The following ATP10B variants were observed in gnomAD, a reference collection of about 807,000 sequenced individuals.
The protein encoded by ATP10B is ATPase phospholipid transporting 10B (putative), also known as phospholipid-transporting ATPase VB.
ATP10B carries 122 observed loss-of-function variants against 141.2 expected under a neutral mutation model. The observed-to-expected ratio is 0.86, with a 90% confidence interval of 0.75 to 1.00. ATP10B has a LOEUF of 1.00. Ranked by LOEUF, ATP10B falls within the 50% of genes least tolerant of loss-of-function variation. ATP10B has a pLI of 0.00. For missense variants in ATP10B, 1,876 were observed against 1,825.3 expected, an observed-to-expected ratio of 1.03 and a Z score of -0.51; for synonymous variants, 685 against 692.0, an observed-to-expected ratio of 0.99 and a Z score of 0.16.
At chr5:160,670,402 G>C in intron 7 of ATP10B, 61 bp downstream of exon 7, 1 of 1,557,816 alleles carries the variant, frequency 6.4e-7, no homozygotes, top group Non-Finnish European at 8.8e-7. Flanking sequence ...CAATTTTCCA[G>C]TAGGGTAGGC....
At position 160,565,360 on chromosome 5, in the gene ATP10B, C is replaced by G. The variant is rs1754467793; in HGVS notation, c.*93G>C. 3.1e-6 allele frequency: 4 copies of G among 1,277,978 alleles called. No homozygotes were observed. The South Asian group carries it at 5.5e-5, about 18-fold the overall frequency. The allele number at this position is 1,277,978 out of a possible 1,614,324, so 79.2% of individuals were successfully genotyped here. A position where few individuals can be genotyped will look rare whatever the true frequency, so the allele number is the denominator to read the frequency against. On this transcript the variant is annotated 3_prime_UTR_variant, in exon 26 of 26. Transcript: ENST00000327245. ...GTTGAAGAAAAGAATAAGACTGGCACATTGTTTCCTCTATGAAGAAGAAGG... is the reference window on the plus strand; with the variant it reads ...GTTGAAGAAAAGAATAAGACTGGCAGATTGTTTCCTCTATGAAGAAGAAGG...
chr5:160,616,690 T>C (rs558215347), intron 16 of ATP10B, among the ~76,000 whole-genome samples: 1 of 152,314 alleles, frequency 6.6e-6, no homozygotes, highest in Admixed American at 6.5e-5. Context: ...CAATGAAAAA[T>C]TATTTTGTTC....
At chr5:160,584,635 T>C (rs2127604911) in intron 24 of ATP10B, among the ~76,000 whole-genome samples, 1 of 152,304 alleles carries the variant, frequency 6.6e-6, no homozygotes, top group African/African-American at 2.4e-5. Context: ...TAAATGTGTA[T>C]TTTTATTCTT....
chr5:160,669,973 G>C (rs1054605683), intron 7 of ATP10B, among the ~76,000 whole-genome samples: 1 of 144,806 alleles, frequency 6.9e-6, no homozygotes, highest in African/African-American at 2.6e-5. Flanking sequence ...CTTAAGCACT[G>C]TTGAGAAGTT....
upstream of ATP10B, among the ~76,000 whole-genome samples, chr5:160,854,159 G>GTGC (rs1753939690): frequency 6.6e-6 from 1 of 152,078 alleles, no homozygotes; most frequent in Non-Finnish European, 1.5e-5. Context: ...TCTACAAGCT[G>GTGC]TGCAAGTGTT....
intron 1 of ATP10B, among the ~76,000 whole-genome samples, chr5:160,851,045 G>A (rs1453679964): frequency 6.6e-6 from 1 of 152,168 alleles, no homozygotes; most frequent in Non-Finnish European, 1.5e-5. Flanking sequence ...TGCAAGATCT[G>A]GAAACAGAGA....
chr5:160,574,802 T>TTTG (rs541880840), intron 24 of ATP10B, among the ~76,000 whole-genome samples: 1,904 of 10,790 alleles, frequency 0.18, 53 homozygotes, highest in African/African-American at 0.37. Context: ...AGCATTCATC[T>TTTG]TTTTTTTTTT....
chr5:160,866,347 C>A, the ATP10B span, among the ~76,000 whole-genome samples: 6 of 152,106 alleles, frequency 3.9e-5, no homozygotes, highest in Middle Eastern at 0.01. Flanking sequence ...CTTATAAAAG[C>A]GGGAGCTAAG....
In ATP10B at chr5:160,634,474, CG is replaced by C; in HGVS notation, c.1260del (p.Ile420MetfsTer19). ...DLSIQCRALN[I>X]AEDLGQIQYI... is the part of the protein sequence containing the mutation. Reference sequence around the variant, plus strand: ...TACTGGATCTGGCCCAAGTCCTCTGCGATGTTGAGGGCTCGACATTGAATGG... The same window carrying C: ...TACTGGATCTGGCCCAAGTCCTCTGCATGTTGAGGGCTCGACATTGAATGG... On this transcript the variant is annotated frameshift_variant, in exon 12 of 26. Coordinates refer to ENST00000327245, the MANE Select transcript of ATP10B (RefSeq NM_025153.3). LOFTEE classifies it high-confidence loss of function. 6.2e-7 allele frequency: 1 copy of C among 1,614,118 alleles called. No individual in the cohort carries two copies. The highest frequency in any genetic ancestry group is 8.5e-7 in the Non-Finnish European group (1 of 1,180,018).
At chr5:160,792,885 T>C (rs1771685294) in intron 1 of ATP10B, among the ~76,000 whole-genome samples, 1 of 152,112 alleles carries the variant, frequency 6.6e-6, no homozygotes, top group South Asian at 2.1e-4. Flanking sequence ...TAAAATGACA[T>C]GACCTAAAAC....
chr5:160,786,559 CTCCAT>C (rs1771162138), intron 1 of ATP10B, among the ~76,000 whole-genome samples: 1 of 152,106 alleles, frequency 6.6e-6, no homozygotes, highest in Non-Finnish European at 1.5e-5. Flanking sequence ...CAACGGCTCC[CTCCAT>C]TCCATTCTAC....
rs761953300 is a variant in ATP10B, at chr5:160,565,506, G to A, written c.4333C>T (p.Arg1445Trp). The A allele has an allele frequency of 1.5e-5, 25 of 1,613,952 alleles. No individual in the cohort carries two copies. The East Asian group carries it at 1.6e-4, about 10-fold the overall frequency. ...CGATGGCTGCTCCTCTTTGAGCACC[G>A]GCACATATCAGTCTGTCCTCTTGAG... ...AYSRGQTDMC[R>W]CSKRSSHRRS... Residue 1445 changes from arginine (R) to tryptophan (W), a missense_variant, in exon 26 of 26, where the codon CGG (arginine) becomes TGG (tryptophan). Physicochemically the swap from Arg to Trp is moderately radical, Grantham distance 101. Coordinates refer to ENST00000327245, the MANE Select transcript of ATP10B (RefSeq NM_025153.3).
At chr5:160,773,731 G>C (rs1448466174) in intron 2 of ATP10B, among the ~76,000 whole-genome samples, 2 of 152,150 alleles carry the variant, frequency 1.3e-5, no homozygotes, top group African/African-American at 4.8e-5. Flanking sequence ...AGTTCTGGGT[G>C]AAAGAGTTTT....
At chr5:160,634,302 G>A (rs1759181455) in intron 12 of ATP10B, 52 bp downstream of exon 12, 15 of 1,612,896 alleles carry the variant, frequency 9.3e-6, no homozygotes, top group Non-Finnish European at 1.1e-5. Flanking sequence ...TCTTAGGAGA[G>A]CAGGGTATTT....
At chr5:160,873,776 C>G in the ATP10B span, among the ~76,000 whole-genome samples, 3 of 152,204 alleles carry the variant, frequency 2.0e-5, no homozygotes, top group Non-Finnish European at 2.9e-5. Context: ...GGGTGACAGA[C>G]GGCACCAGGA....
chr5:160,766,279 C>T (rs1487412839), intron 2 of ATP10B, among the ~76,000 whole-genome samples: 1 of 17,054 alleles, frequency 5.9e-5, no homozygotes, highest in Non-Finnish European at 1.1e-4. Flanking sequence ...GCACAATTTG[C>T]AATTGCAAAA....
intron 13 of ATP10B, among the ~76,000 whole-genome samples, chr5:160,628,897 C>T (rs1758759654): frequency 6.6e-6 from 1 of 151,468 alleles, no homozygotes; most frequent in African/African-American, 2.4e-5. Context: ...TTATTGCAGG[C>T]AATTAGGTGA....
At chr5:160,748,810 T>G (rs149025939) in intron 2 of ATP10B, among the ~76,000 whole-genome samples, 3 of 152,232 alleles carry the variant, frequency 2.0e-5, no homozygotes, top group Admixed American at 2.0e-4. Context: ...TGAGGGAGGG[T>G]GGGCTAAGCA....
chr5:160,844,587 C>G (rs1214482148), intron 1 of ATP10B, among the ~76,000 whole-genome samples: 1 of 151,864 alleles, frequency 6.6e-6, no homozygotes, highest in Non-Finnish European at 1.5e-5. Flanking sequence ...GGTCTGTCGC[C>G]TAGGCTGGAG....
Sources: allele counts gnomAD v4.1 joint callset (sites outside exome capture counted in the v4.1 genomes callset), GRCh38; gene constraint gnomAD v4.1.1; transcripts MANE v1.5; gene names NCBI Gene and HGNC (gene_info 2026-07-23, HGNC 2026-07-21).